Variants in TRPC4 observed in about 807,000 individuals in gnomAD.
The protein encoded by TRPC4 is short transient receptor potential channel 4.
Under a neutral mutation model 99.4 loss-of-function variants are expected in TRPC4, and 49 were observed. The ratio of observed to expected loss-of-function variants is 0.49; its 90% CI spans 0.39 to 0.63. The LOEUF (loss-of-function observed/expected upper bound fraction) is 0.63, where lower values mean the gene tolerates loss of function less well. TRPC4 is among the 20% of genes least tolerant of loss of function. The pLI is 0.00. For synonymous variants in TRPC4, 454 were observed against 425.9 expected (o/e 1.07, Z -0.81); for missense variants, 898 against 1,152.9 (o/e 0.78, Z 3.20).
At chr13:37,845,038 T>C (rs576606038) in intron 1 of TRPC4, among the ~76,000 whole-genome samples, 7 of 152,184 alleles carry the variant, frequency 4.6e-5, no homozygotes, top group Non-Finnish European at 7.3e-5. Flanking sequence ...AGAGTCCAGA[T>C]AGTAGCCTCA....
At chr13:37,666,285 C>A (rs1360673648) in intron 5 of TRPC4, among the ~76,000 whole-genome samples, 3 of 152,192 alleles carry the variant, frequency 2.0e-5, no homozygotes, top group African/African-American at 7.2e-5. Context: ...AAGCTCCTCT[C>A]CTGTGGTACA....
At chr13:37,660,066 C>A (rs1436068193) in intron 6 of TRPC4, among the ~76,000 whole-genome samples, 1 of 152,006 alleles carries the variant, frequency 6.6e-6, no homozygotes, top group African/African-American at 2.4e-5. Flanking sequence ...ACATATAGAG[C>A]CAATTCCAAA....
chr13:37,772,745 T>C (rs1956591390), intron 2 of TRPC4, among the ~76,000 whole-genome samples: 1 of 151,778 alleles, frequency 6.6e-6, no homozygotes, highest in African/African-American at 2.4e-5. Context: ...GCCAAATAAC[T>C]GCCTCCAACA....
intron 1 of TRPC4, among the ~76,000 whole-genome samples, chr13:37,834,602 T>G (rs1044078260): frequency 6.6e-6 from 1 of 152,270 alleles, no homozygotes; most frequent in Admixed American, 6.5e-5. Context: ...TATTGTGTTA[T>G]GTTTTCTCAT....
At chr13:37,866,067 A>G (rs1440571795) in intron 1 of TRPC4, among the ~76,000 whole-genome samples, 6 of 151,786 alleles carry the variant, frequency 4.0e-5, no homozygotes, top group Non-Finnish European at 8.9e-5. Context: ...ATTTTTCAAC[A>G]TATTTCAAAA....
chr13:37,735,772 A>G (rs757278371), intron 3 of TRPC4, among the ~76,000 whole-genome samples: 11 of 152,326 alleles, frequency 7.2e-5, no homozygotes, highest in Admixed American at 3.9e-4. Flanking sequence ...AGAGCTGCTT[A>G]TGTACATTTT....
chr13:37,671,355 T>C (rs1053274733), intron 5 of TRPC4, among the ~76,000 whole-genome samples: 1 of 152,178 alleles, frequency 6.6e-6, no homozygotes, highest in Non-Finnish European at 1.5e-5. Context: ...GAGTGAGTAC[T>C]CTTTTGATTA....
rs148608774 is a variant in TRPC4 at position 37,796,726 on chromosome 13, T to G, written c.-27-13366A>C. ...AAGGTAATGGACTTAGCCCTATTTG[T>G]CACTGTCCCATTGGCTCTCCTCCTC... On this transcript the variant is annotated intron_variant, in intron 1 of 10. Coordinates refer to ENST00000379705, the MANE Select transcript of TRPC4 (RefSeq NM_016179.4). Among the ~76,000 whole-genome samples, 960 of 151,988 alleles carry G rather than the reference T, an allele frequency of 6.3e-3. 10 individuals carry two copies. Among genetic ancestry groups the G allele is most frequent in the African/African-American group, 0.022 (920 of 41,438 alleles).
chr13:37,799,739 A>T (rs1200420736), intron 1 of TRPC4, among the ~76,000 whole-genome samples: 1 of 152,240 alleles, frequency 6.6e-6, no homozygotes, highest in East Asian at 1.9e-4. Flanking sequence ...ATTGTAATCC[A>T]AAAACTAAAT....
intron 3 of TRPC4, among the ~76,000 whole-genome samples, chr13:37,725,895 T>C (rs1372716695): frequency 1.3e-5 from 2 of 151,894 alleles, no homozygotes; most frequent in Admixed American, 1.3e-4. Flanking sequence ...ACAGCAAAAG[T>C]GAGTATGTAG....
At chr13:37,823,152 T>A (rs1434067660) in intron 1 of TRPC4, among the ~76,000 whole-genome samples, 2 of 150,510 alleles carry the variant, frequency 1.3e-5, no homozygotes, top group Non-Finnish European at 3.0e-5. Context: ...TTGGAGTTCA[T>A]TGTAGATTCT....
chr13:37,649,386 C>T (rs1035064169), intron 8 of TRPC4, among the ~76,000 whole-genome samples: 1 of 152,058 alleles, frequency 6.6e-6, no homozygotes, highest in South Asian at 2.1e-4. Flanking sequence ...CTTCCCACTC[C>T]TCAAATTCTA....
At chr13:37,768,291 A>G (rs1260481558) in intron 2 of TRPC4, among the ~76,000 whole-genome samples, 1 of 151,528 alleles carries the variant, frequency 6.6e-6, no homozygotes, top group African/African-American at 2.4e-5. Context: ...TTGCACAAAA[A>G]TAACAGAAAT....
rs75161468 is a variant in TRPC4 at position 37,699,312 on chromosome 13, G to A, written c.898-6977C>T. On this transcript the variant is annotated intron_variant, in intron 3 of 10. Transcript: ENST00000379705. Reference sequence around the variant, plus strand: ...CACACAAGGATATATGTATATACACGTATGTGCATATACATATACAATCAC... The same window carrying A: ...CACACAAGGATATATGTATATACACATATGTGCATATACATATACAATCAC... 9.9e-3 allele frequency among the ~76,000 whole-genome samples: 1,509 copies of A among 151,920 alleles called. 23 individuals are homozygous for A. The highest frequency in any genetic ancestry group is 0.034 in the African/African-American group (1,399 of 41,394).
chr13:37,767,012 T>C (rs893098877), intron 2 of TRPC4, among the ~76,000 whole-genome samples: 28 of 151,620 alleles, frequency 1.8e-4, no homozygotes, highest in African/African-American at 6.5e-4. Flanking sequence ...TTTTAGATTA[T>C]GAATACTGAA....
intron 1 of TRPC4, among the ~76,000 whole-genome samples, chr13:37,794,416 TG>T (rs1860459012): frequency 6.6e-6 from 1 of 152,114 alleles, no homozygotes; most frequent in Non-Finnish European, 1.5e-5. Flanking sequence ...AAGAAAAGCT[TG>T]CTTCTCAACA....
At chr13:37,753,128 G>A (rs2139199812) in intron 2 of TRPC4, among the ~76,000 whole-genome samples, 1 of 152,100 alleles carries the variant, frequency 6.6e-6, no homozygotes, top group Non-Finnish European at 1.5e-5. Flanking sequence ...AGGATTTGAG[G>A]AGGTGTTTAT....
At chr13:37,823,213 T>C (rs1194534277) in intron 1 of TRPC4, among the ~76,000 whole-genome samples, 5 of 148,092 alleles carry the variant, frequency 3.4e-5, no homozygotes, top group Non-Finnish European at 4.5e-5. Flanking sequence ...TTCTCCCATT[T>C]TGTAGGTTGC....
At chr13:37,852,420 A>G (rs1959082354) in intron 1 of TRPC4, among the ~76,000 whole-genome samples, 2 of 152,160 alleles carry the variant, frequency 1.3e-5, no homozygotes, top group Admixed American at 6.5e-5. Context: ...GGCAAGATTC[A>G]TCACCTGCTG....
Sources: gnomAD v4.1 joint callset for allele counts (sites outside exome capture counted in the v4.1 genomes callset) on GRCh38, gnomAD v4.1.1 for gene constraint, MANE v1.5 for transcripts, NCBI Gene and HGNC (gene_info 2026-07-23, HGNC 2026-07-21) for gene names.